Variants in SEPTIN10 observed in about 807,000 individuals in gnomAD.
SEPTIN10 encodes the protein septin-10.
Under a neutral mutation model 54.8 loss-of-function variants are expected in SEPTIN10, and 66 were observed. That is an observed-to-expected ratio of 1.21 (90% CI 0.99 to 1.48). The LOEUF (loss-of-function observed/expected upper bound fraction) is 1.48, where lower values mean the gene tolerates loss of function less well. SEPTIN10 is among the 40% of genes most tolerant of loss of function. SEPTIN10 has a pLI of 0.00. For synonymous variants in SEPTIN10, 161 were observed against 181.0 expected (o/e 0.89, Z 0.89); for missense variants, 620 against 545.6 (o/e 1.14, Z -1.36).
At chr2:109,603,958 G>A (rs759293199) in intron 1 of SEPTIN10, among the ~76,000 whole-genome samples, 32 of 151,596 alleles carry the variant, frequency 2.1e-4, no homozygotes, top group Admixed American at 4.6e-4. Context: ...TCAGGAGATC[G>A]AGACCATCCT....
chr2:109,585,379 C>A, intron 3 of SEPTIN10, 58 bp from the exon 4 acceptor site: 1 of 1,368,706 alleles, frequency 7.3e-7, no homozygotes, highest in Non-Finnish European at 1.0e-6. Flanking sequence ...AGAAATACAA[C>A]TGTAAATGCC....
intron 1 of SEPTIN10, among the ~76,000 whole-genome samples, chr2:109,608,597 C>T (rs900832473): frequency 5.3e-5 from 8 of 152,166 alleles, no homozygotes; most frequent in Non-Finnish European, 1.5e-5. Context: ...ACCAGGTAGC[C>T]TATTTACTAA....
intron 4 of SEPTIN10, among the ~76,000 whole-genome samples, chr2:109,580,112 G>A (rs1054447581): frequency 8.6e-5 from 13 of 151,692 alleles, no homozygotes; most frequent in African/African-American, 3.1e-4. Context: ...CAAGAGTGAA[G>A]TTCCATCTTA....
In SEPTIN10 at chr2:109,571,043, G is replaced by A. The variant is rs55773314; in HGVS notation, c.601-3067C>T. Among the ~76,000 whole-genome samples, 3 of 152,198 alleles carry A rather than the reference G, an allele frequency of 2.0e-5. No individual in the cohort carries two copies. In the South Asian group the frequency reaches 6.2e-4, roughly 32 times the overall value. On this transcript the variant is annotated intron_variant, in intron 5 of 10. Coordinates refer to ENST00000397712, the MANE Select transcript of SEPTIN10 (RefSeq NM_144710.5). ...GTTGTCCCTTGCTGTTCTTGTGGTA[G>A]TGAGTTCTCACGAGATCTGGTTGTT...
intron 1 of SEPTIN10, among the ~76,000 whole-genome samples, chr2:109,606,624 T>C (rs1698030522): frequency 1.0e-5 from 1 of 100,224 alleles, no homozygotes; most frequent in South Asian, 4.7e-4. Flanking sequence ...AAATAATAGC[T>C]AAAAAGTTCC....
At chr2:109,552,982 C>T (rs982803813) in intron 9 of SEPTIN10, 105 bp downstream of exon 9, 3 of 1,269,548 alleles carry the variant, frequency 2.4e-6, no homozygotes, top group East Asian at 2.4e-5. Context: ...CTTTAAAGAA[C>T]AAGTAGCCTA....
At chr2:109,613,725 G>C in intron 1 of SEPTIN10, 73 bp downstream of exon 1, 1 of 1,022,302 alleles carries the variant, frequency 9.8e-7, no homozygotes, top group Non-Finnish European at 1.2e-6. Flanking sequence ...CAGGGGGCCG[G>C]TGGGTCGAGG....
chr2:109,548,631 C>A (rs1199643884), intron 9 of SEPTIN10, among the ~76,000 whole-genome samples: 1 of 151,924 alleles, frequency 6.6e-6, no homozygotes, highest in African/African-American at 2.4e-5. Context: ...AAAAAATTAA[C>A]CAGGTGTGGC....
chr2:109,567,476 TAA>T (rs1206304888), intron 6 of SEPTIN10, among the ~76,000 whole-genome samples: 3 of 152,186 alleles, frequency 2.0e-5, no homozygotes, highest in African/African-American at 7.2e-5. Flanking sequence ...AGGGAGGCTG[TAA>T]AGTCTTCTCA....
At chr2:109,560,216 G>A (rs926798293) in intron 8 of SEPTIN10, among the ~76,000 whole-genome samples, 1 of 152,170 alleles carries the variant, frequency 6.6e-6, no homozygotes, top group African/African-American at 2.4e-5. Flanking sequence ...CACCGGGCCT[G>A]GCCCCAACCA....
At chr2:109,546,295 T>G in intron 9 of SEPTIN10, 58 bp from the exon 10 acceptor site, 1 of 1,204,770 alleles carries the variant, frequency 8.3e-7, no homozygotes, top group Non-Finnish European at 1.1e-6. Flanking sequence ...AGGCACGCTC[T>G]CCAGCTCAGC....
chr2:109,563,389 G>A (rs925678087), intron 8 of SEPTIN10, among the ~76,000 whole-genome samples: 1 of 152,152 alleles, frequency 6.6e-6, no homozygotes, highest in Non-Finnish European at 1.5e-5. Flanking sequence ...TTACTCTGGT[G>A]CAGGTGCTAA....
At chr2:109,563,387 G>A (rs771017930) in intron 8 of SEPTIN10, among the ~76,000 whole-genome samples, 1 of 152,122 alleles carries the variant, frequency 6.6e-6, no homozygotes, top group Non-Finnish European at 1.5e-5. Context: ...GTTTACTCTG[G>A]TGCAGGTGCT....
chr2:109,588,754 G>C (rs1276100623), intron 2 of SEPTIN10, among the ~76,000 whole-genome samples: 2 of 150,860 alleles, frequency 1.3e-5, no homozygotes, highest in African/African-American at 4.9e-5. Context: ...GCTTCTCAAA[G>C]TGCTAGGATT....
intron 4 of SEPTIN10, among the ~76,000 whole-genome samples, chr2:109,581,782 C>T (rs889463509): frequency 2.0e-5 from 3 of 152,160 alleles, no homozygotes; most frequent in African/African-American, 4.8e-5. Flanking sequence ...TATGCCTGAG[C>T]TCACCATTCT....
intron 1 of SEPTIN10, among the ~76,000 whole-genome samples, chr2:109,607,588 T>TTTATTA (rs1698285861): frequency 1.3e-5 from 2 of 152,216 alleles, no homozygotes; most frequent in Admixed American, 1.3e-4. Flanking sequence ...AGGGAGAACT[T>TTTATTA]AATTACCTGG....
At chr2:109,567,047 T>C (rs1012382653) in intron 6 of SEPTIN10, among the ~76,000 whole-genome samples, 10 of 152,100 alleles carry the variant, frequency 6.6e-5, no homozygotes, top group Non-Finnish European at 1.3e-4. Context: ...TTAGGTACAC[T>C]AATATAAAAG....
At chr2:109,572,354 C>T (rs1043722040) in intron 5 of SEPTIN10, among the ~76,000 whole-genome samples, 4 of 152,116 alleles carry the variant, frequency 2.6e-5, no homozygotes, top group Non-Finnish European at 5.9e-5. Context: ...AGGATGGTCT[C>T]GATCTCCTGA....
intron 1 of SEPTIN10, among the ~76,000 whole-genome samples, chr2:109,598,312 C>T (rs1339114117): frequency 6.6e-6 from 1 of 152,016 alleles, no homozygotes; most frequent in Non-Finnish European, 1.5e-5. Flanking sequence ...AGGTGATCCG[C>T]CCACCTCAGC....
Sources: gnomAD v4.1 joint callset for allele counts (sites outside exome capture counted in the v4.1 genomes callset) on GRCh38, gnomAD v4.1.1 for gene constraint, MANE v1.5 for transcripts, NCBI Gene and HGNC (gene_info 2026-07-23, HGNC 2026-07-21) for gene names.